ILDR2: variants seen among roughly 807,000 people sequenced by gnomAD.
ILDR2 encodes immunoglobulin like domain containing receptor 2, also known as immunoglobulin-like domain-containing receptor 2.
In ILDR2, 25 loss-of-function variants were observed where a neutral mutation model predicts 66.8. The ratio of observed to expected loss-of-function variants is 0.37; its 90% CI spans 0.27 to 0.52. The LOEUF (loss-of-function observed/expected upper bound fraction) is 0.52. ILDR2 is among the 20% of genes least tolerant of loss of function. The pLI is 0.88. For missense variants in ILDR2, 827 were observed against 876.8 expected (o/e 0.94, Z 0.72); for synonymous variants, 367 against 357.2 (o/e 1.03, Z -0.31).
At chr1:166,906,594 A>G (rs1000301952), downstream of ILDR2, among the ~76,000 whole-genome samples, 3 of 152,232 alleles carry the variant, frequency 2.0e-5, no homozygotes, top group African/African-American at 7.2e-5. Flanking sequence ...GTGATGGCAG[A>G]AAAGGGTGGG....
intron 3 of ILDR2, among the ~76,000 whole-genome samples, chr1:166,948,874 A>G (rs1661801689): frequency 1.3e-5 from 2 of 152,182 alleles, no homozygotes; most frequent in Non-Finnish European, 1.5e-5. Context: ...GGAAGCTAAC[A>G]TTTACTAAGT....
intron 3 of ILDR2, among the ~76,000 whole-genome samples, chr1:166,951,625 C>T (rs1661986356): frequency 6.6e-6 from 1 of 151,816 alleles, no homozygotes; most frequent in Non-Finnish European, 1.5e-5. Flanking sequence ...ATCTTTTTTT[C>T]TAAAACAGAA....
intron 6 of ILDR2, among the ~76,000 whole-genome samples, chr1:166,931,887 C>T (rs1199460690): frequency 6.6e-6 from 1 of 152,152 alleles, no homozygotes; most frequent in African/African-American, 2.4e-5. Context: ...AATTCAATTT[C>T]CTAGGGGCTG....
chr1:166,922,841 T>G, intron 7 of ILDR2, 32 bp from the exon 8 acceptor site: 1 of 1,573,384 alleles, frequency 6.4e-7, no homozygotes, highest in Non-Finnish European at 8.7e-7. Context: ...TGATAGAGCT[T>G]TTTGTGTTAC....
chr1:166,973,620 C>G (rs538366977), intron 1 of ILDR2, among the ~76,000 whole-genome samples: 11 of 102,142 alleles, frequency 1.1e-4, no homozygotes, highest in Admixed American at 4.1e-4. Context: ...CCTCCCCCCC[C>G]CCCCCGATGC....
intron 1 of ILDR2, among the ~76,000 whole-genome samples, chr1:166,964,249 G>C (rs913267841): frequency 6.6e-6 from 1 of 152,030 alleles, no homozygotes; most frequent in Non-Finnish European, 1.5e-5. Context: ...TAGACCACCA[G>C]ACTATTCTTT....
In ILDR2 at chr1:166,957,872, A is replaced by G. The variant is rs376682701; in HGVS notation, c.276T>C (p.Asp92=). Residue 92 remains aspartate (D), a synonymous_variant, in exon 2 of 10, where the codon GAT becomes GAC. Transcript: ENST00000271417. ...GAACAGTCCTCCTGCTGTCCAAACA[A>G]TCCAAGTAGGGGTCCCATTCCAGGT... is the stretch of plus-strand genomic sequence containing the variant. ...KRNLEWDPYL[D]CLDSRRTVRV... 1 of 1,613,994 alleles carries G rather than the reference A, an allele frequency of 6.2e-7. No individual in the cohort carries two copies. The highest frequency in any genetic ancestry group is 1.3e-5 in the African/African-American group (1 of 74,892).
chr1:166,911,459 T>A lies in ILDR2; in HGVS notation c.*7896A>T, dbSNP rs955349745. 1 of 152,086 alleles carries A rather than the reference T, an allele frequency of 6.6e-6. No individual in the cohort carries two copies. The highest frequency in any genetic ancestry group is 1.5e-5 in the Non-Finnish European group (1 of 68,010). The allele number at this position is 152,086 out of a possible 1,614,324, so 9.4% of individuals were successfully genotyped here. ...GAAAGGTTTTTCTTGACTGGCACAA[T>A]GTAATATGGCATTGCACCACACATG... On this transcript the variant is annotated 3_prime_UTR_variant, in exon 10 of 10. Coordinates refer to ENST00000271417, the MANE Select transcript of ILDR2 (RefSeq NM_199351.3).
intron 7 of ILDR2, among the ~76,000 whole-genome samples, chr1:166,925,870 AG>A (rs1660247790): frequency 6.6e-6 from 1 of 152,124 alleles, no homozygotes; most frequent in Admixed American, 6.5e-5. Context: ...TTTTTCTCTG[AG>A]CTGTGAGATT....
At chr1:166,975,087 C>T in intron 1 of ILDR2, 136 bp downstream of exon 1, 2 of 680,460 alleles carry the variant, frequency 2.9e-6, no homozygotes, top group Middle Eastern at 2.6e-4. Context: ...GCCCCCTCCC[C>T]CACTTTCCAC....
At chr1:166,963,358 C>G (rs1434701978) in intron 1 of ILDR2, among the ~76,000 whole-genome samples, 1 of 152,168 alleles carries the variant, frequency 6.6e-6, no homozygotes, top group Non-Finnish European at 1.5e-5. Flanking sequence ...GTTATTACAC[C>G]TGTTTTATAG....
intron 1 of ILDR2, among the ~76,000 whole-genome samples, chr1:166,973,613 C>CCCCCCA: frequency 4.1e-5 from 1 of 24,404 alleles, no homozygotes; most frequent in African/African-American, 2.5e-4. Flanking sequence ...AGGGACCCCT[C>CCCCCCA]CCCCCCCCCC....
At chr1:166,972,258 A>G (rs770123140) in intron 1 of ILDR2, among the ~76,000 whole-genome samples, 3 of 152,108 alleles carry the variant, frequency 2.0e-5, no homozygotes, top group Non-Finnish European at 2.9e-5. Flanking sequence ...TCATCAAGCA[A>G]TCTTTGTCAT....
chr1:166,956,229 T>C (rs1403248805), intron 3 of ILDR2, among the ~76,000 whole-genome samples: 1 of 152,258 alleles, frequency 6.6e-6, no homozygotes. Context: ...CAAGCAGCTC[T>C]TTTTATTGGG....
At position 166,922,659 on chromosome 1, in the gene ILDR2, C is replaced by G. The variant is rs747889541; in HGVS notation, c.1145G>C (p.Ser382Thr). The change falls in exon 8 of 10, where the codon AGT (serine) becomes ACT (threonine). Residue 382 changes from serine to threonine, a missense_variant. By Grantham distance (58) the Ser-to-Thr change is moderately conservative. Transcript: ENST00000271417. ...DYWSGVMGGSSGASRGPSAME... is the reference protein window; with the variant it reads ...DYWSGVMGGSTGASRGPSAME... The stretch of plus-strand genomic sequence containing the variant: ...GGCTGAGGGCCCGCGGCTTGCCCCA[C>G]TGCTGCCTCCCATGACACCTGACCA... The G allele has an allele frequency of 1.2e-6, 2 of 1,614,240 alleles. No individual in the cohort carries two copies. The highest frequency in any genetic ancestry group is 2.2e-5 in the South Asian group (2 of 91,088).
rs1195998365 is a variant in ILDR2 at position 166,915,445 on chromosome 1, T to C, written c.*3910A>G. 1 of 152,210 alleles carries C rather than the reference T, an allele frequency of 6.6e-6. No individual in the cohort carries two copies. The highest frequency in any genetic ancestry group is 6.5e-5 in the Admixed American group (1 of 15,282). The allele number at this position is 152,210 out of a possible 1,614,324, so 9.4% of individuals were successfully genotyped here. ...TGGAATGCATATTAAAAATATGAAT[T>C]CTGGCTCTAGACCCACCCAATCAAT... On this transcript the variant is annotated 3_prime_UTR_variant, in exon 10 of 10. Coordinates refer to ENST00000271417, the MANE Select transcript of ILDR2 (RefSeq NM_199351.3).
chr1:166,952,133 G>A (rs1662018077), intron 3 of ILDR2, among the ~76,000 whole-genome samples: 1 of 152,196 alleles, frequency 6.6e-6, no homozygotes, highest in South Asian at 2.1e-4. Context: ...CCCTGTTTGA[G>A]CCTTCCTGAA....
downstream of ILDR2, among the ~76,000 whole-genome samples, chr1:166,905,492 G>C (rs183634929): frequency 2.0e-5 from 3 of 152,274 alleles, no homozygotes; most frequent in East Asian, 3.9e-4. Flanking sequence ...TGGTGGAGAG[G>C]GAGCAGACCC....
intron 7 of ILDR2, 54 bp from the exon 8 acceptor site, chr1:166,922,863 C>G: frequency 1.3e-6 from 2 of 1,481,798 alleles, no homozygotes; most frequent in Non-Finnish European, 1.9e-6. Context: ...CTGTTTTAGA[C>G]AGGAAGAGAA....
Sources: gnomAD v4.1 joint callset for allele counts (sites outside exome capture counted in the v4.1 genomes callset) on GRCh38, gnomAD v4.1.1 for gene constraint, MANE v1.5 for transcripts, NCBI Gene and HGNC (gene_info 2026-07-23, HGNC 2026-07-21) for gene names.